Variants in MECOM observed in about 807,000 individuals in gnomAD.
MECOM encodes histone-lysine N-methyltransferase MECOM.
Under a neutral mutation model 116.3 loss-of-function variants are expected in MECOM, and 13 were observed. That is an observed-to-expected ratio of 0.11 (90% confidence interval 0.07 to 0.18). The LOEUF (loss-of-function observed/expected upper bound fraction) is 0.18. MECOM is among the 10% of genes least tolerant of loss of function. MECOM has a pLI of 1.00. For missense variants in MECOM, 1,299 were observed against 1,509.0 expected, an observed-to-expected ratio of 0.86 and a Z score of 2.31; for synonymous variants, 528 against 535.2, an observed-to-expected ratio of 0.99 and a Z score of 0.19.
At chr3:169,323,332 A>G (rs1234974766) in intron 2 of MECOM, among the ~76,000 whole-genome samples, 1 of 152,054 alleles carries the variant, frequency 6.6e-6, no homozygotes, top group East Asian at 1.9e-4. Flanking sequence ...TAGAGGCTTT[A>G]TTTGGGAGTT....
chr3:169,613,328 T>C (rs1011314905), intron 1 of MECOM, among the ~76,000 whole-genome samples: 1 of 152,206 alleles, frequency 6.6e-6, no homozygotes, highest in Non-Finnish European at 1.5e-5. Context: ...TACTCATCAA[T>C]TAGACAGCAC....
At chr3:169,303,364 C>T (rs568951902) in intron 2 of MECOM, among the ~76,000 whole-genome samples, 3 of 150,700 alleles carry the variant, frequency 2.0e-5, no homozygotes, top group Admixed American at 6.6e-5. Context: ...TATCACACTA[C>T]TATTCATTCA....
chr3:169,184,254 G>C (rs2033579516), intron 2 of MECOM, among the ~76,000 whole-genome samples: 1 of 152,066 alleles, frequency 6.6e-6, no homozygotes, highest in Non-Finnish European at 1.5e-5. Flanking sequence ...TGAATGACCA[G>C]GAATTTGCCT....
chr3:169,214,671 T>C (rs1751199113), intron 2 of MECOM, among the ~76,000 whole-genome samples: 1 of 151,494 alleles, frequency 6.6e-6, no homozygotes. Flanking sequence ...CATTTCTACC[T>C]AGATTTTTAA....
At chr3:169,096,393 C>G (rs1274234729) in intron 12 of MECOM, among the ~76,000 whole-genome samples, 1 of 151,916 alleles carries the variant, frequency 6.6e-6, no homozygotes, top group Non-Finnish European at 1.5e-5. Context: ...GCCTCAGCCT[C>G]CCGAGTAGCT....
intron 2 of MECOM, among the ~76,000 whole-genome samples, chr3:169,261,784 A>G (rs1757589836): frequency 6.6e-6 from 1 of 152,208 alleles, no homozygotes; most frequent in Non-Finnish European, 1.5e-5. Flanking sequence ...CGACAAAAGA[A>G]GAAGAATATG....
At chr3:169,464,525 A>G (rs1449089541) in intron 1 of MECOM, among the ~76,000 whole-genome samples, 2 of 151,670 alleles carry the variant, frequency 1.3e-5, no homozygotes, top group Non-Finnish European at 2.9e-5. Context: ...ACTTTTATTC[A>G]CTCTCATTCT....
intron 16 of MECOM, chr3:169,086,378 T>C: frequency 1.7e-6 from 1 of 581,208 alleles, no homozygotes; most frequent in Non-Finnish European, 3.0e-6. Context: ...ATTATGTACC[T>C]ACTTTTAGAG....
chr3:169,490,888 A>T (rs1298152609), intron 1 of MECOM, among the ~76,000 whole-genome samples: 3 of 150,210 alleles, frequency 2.0e-5, no homozygotes, highest in Non-Finnish European at 2.9e-5. Context: ...TTCATAATAT[A>T]AAAAAAATGT....
intron 1 of MECOM, among the ~76,000 whole-genome samples, chr3:169,607,762 G>A (rs761539180): frequency 4.6e-5 from 7 of 152,130 alleles, no homozygotes; most frequent in Admixed American, 1.3e-4. Flanking sequence ...ACCTGAATGC[G>A]TCTATGTCAT....
chr3:169,663,262 C>A, intron 1 of MECOM, 74 bp downstream of exon 1: 1 of 1,529,874 alleles, frequency 6.5e-7, no homozygotes, highest in Non-Finnish European at 8.9e-7. Flanking sequence ...CGCTCCCTCC[C>A]GGAGCGCTAG....
intron 1 of MECOM, among the ~76,000 whole-genome samples, chr3:169,417,457 A>G (rs1331467409): frequency 6.6e-6 from 1 of 152,196 alleles, no homozygotes; most frequent in Non-Finnish European, 1.5e-5. Flanking sequence ...ATCAGGAAAC[A>G]ACAGGTGCTG....
At chr3:169,461,490 T>C (rs1045875392) in intron 1 of MECOM, among the ~76,000 whole-genome samples, 1 of 152,170 alleles carries the variant, frequency 6.6e-6, no homozygotes, top group African/African-American at 2.4e-5. Context: ...TTTTCAAATA[T>C]GAAAAATTTA....
rs188716155 is a variant in MECOM, at chr3:169,500,036, A to G, written c.38-118512T>C. On this transcript the variant is annotated intron_variant, in intron 1 of 16. Coordinates refer to ENST00000651503, the MANE Select transcript of MECOM (RefSeq NM_004991.4). ...ATGGCAACAGTGTGAAATTTCCCAG[A>G]CAGCACTATATTCAATCAGTTACAT... Among the ~76,000 whole-genome samples, 22 of 152,210 alleles carry G rather than the reference A, an allele frequency of 1.4e-4. No homozygotes were observed. In the East Asian group the frequency reaches 4.0e-3, roughly 28 times the overall value.
intron 2 of MECOM, among the ~76,000 whole-genome samples, chr3:169,315,440 T>C (rs893467082): frequency 7.9e-5 from 12 of 152,232 alleles, no homozygotes; most frequent in African/African-American, 2.9e-4. Context: ...AGACCTTTTC[T>C]AGAGATGTTT....
intron 14 of MECOM, among the ~76,000 whole-genome samples, chr3:169,092,062 A>C (rs1341871735): frequency 1.3e-5 from 2 of 152,144 alleles, no homozygotes; most frequent in Admixed American, 1.3e-4. Flanking sequence ...AGAAAAATTA[A>C]ATCCAGTAGT....
At position 169,121,151 on chromosome 3, in the gene MECOM, C is replaced by A; in HGVS notation, c.1037G>T (p.Arg346Leu). ...GCCACACTCCGGGCATGCATGGGCC[C>A]GGGCACCGACATGCTGAGAGCGAAT... ...RHIRSQHVGA[R>L]AHACPECGKT... The change falls in exon 7 of 17, where the codon CGG becomes CTG. Residue 346 changes from arginine to leucine, a missense_variant. By Grantham distance (102) the Arg-to-Leu change is moderately radical. This residue lies in a region of MECOM where 374 missense variants were observed against 433.4 expected (regional missense o/e 0.86). Coordinates refer to ENST00000651503, the MANE Select transcript of MECOM (RefSeq NM_004991.4). 6.2e-7 allele frequency: 1 copy of A among 1,613,358 alleles called. No individual in the cohort carries two copies. The highest frequency in any genetic ancestry group is 1.1e-5 in the South Asian group (1 of 90,864).
At chr3:169,658,414 G>A (rs1173864447) in intron 1 of MECOM, among the ~76,000 whole-genome samples, 1 of 152,192 alleles carries the variant, frequency 6.6e-6, no homozygotes, top group Non-Finnish European at 1.5e-5. Context: ...TGCCCTCCGC[G>A]CAAGAGTGCT....
At chr3:169,173,099 TA>T (rs1452478411) in intron 2 of MECOM, among the ~76,000 whole-genome samples, 1 of 152,090 alleles carries the variant, frequency 6.6e-6, no homozygotes, top group African/African-American at 2.4e-5. Context: ...ATAAATGCAA[TA>T]AAAAATGAGC....
Sources: allele counts gnomAD v4.1 joint callset (sites outside exome capture counted in the v4.1 genomes callset), GRCh38; gene constraint gnomAD v4.1.1; regional missense constraint gnomAD v4.1.1; transcripts MANE v1.5; gene names NCBI Gene and HGNC (gene_info 2026-07-23, HGNC 2026-07-21).